The following ATP7B variants were observed in gnomAD, a reference collection of about 807,000 sequenced individuals.
The protein encoded by ATP7B is ATPase copper transporting beta.
Under a neutral mutation model 118.9 loss-of-function variants are expected in ATP7B, and 113 were observed. The ratio of observed to expected loss-of-function variants is 0.95; its 90% CI spans 0.82 to 1.11. The LOEUF is 1.11. Among genes scored for constraint, ATP7B ranks in the 50% most tolerant of loss-of-function variants. The pLI, the probability that ATP7B is intolerant of heterozygous loss-of-function variation, is 0.00. For synonymous variants in ATP7B, 777 were observed against 727.4 expected (o/e 1.07, Z -1.10); for missense variants, 1,867 against 1,871.4 (o/e 1.00, Z 0.04).
chr13:51,985,148 T>C (rs1479145754), intron 1 of ATP7B, among the ~76,000 whole-genome samples: 2 of 152,074 alleles, frequency 1.3e-5, no homozygotes, highest in Non-Finnish European at 2.9e-5. Flanking sequence ...TCAAGACTCA[T>C]TGATGTGCTG....
chr13:51,937,261 G>GTC lies in ATP7B; in HGVS notation c.4021+14_4021+15insGA, dbSNP rs1957023982. Reference sequence around the variant, plus strand: ...TCTGGGCGCAGCTGGAGCACAGTGGGTAAGAGCTGCCTACCTGCTGCAATG... The same window carrying GTC: ...TCTGGGCGCAGCTGGAGCACAGTGGGTCTAAGAGCTGCCTACCTGCTGCAATG... On this transcript the variant is annotated intron_variant, in intron 19 of 20. Transcript: ENST00000242839. The GTC allele has an allele frequency of 1.2e-6, 2 of 1,610,272 alleles. No homozygotes were observed. The highest frequency in any genetic ancestry group is 1.7e-6 in the Non-Finnish European group (2 of 1,176,498).
rs60986317 is a variant in ATP7B, at chr13:51,934,853, G to A, written c.4301C>T (p.Thr1434Met). The A allele has an allele frequency of 1.3e-3, 2,156 of 1,614,208 alleles. 5 individuals are homozygous for A. Among genetic ancestry groups the A allele is most frequent in the Middle Eastern group, 6.1e-3 (37 of 6,050 alleles). Residue 1434 changes from threonine to methionine, a missense_variant, in exon 21 of 21, where the codon ACG (threonine) becomes ATG (methionine). Physicochemically the swap from Thr to Met is moderately conservative, Grantham distance 81. Coordinates refer to ENST00000242839, the MANE Select transcript of ATP7B (RefSeq NM_000053.4). ...GCTGTGCCGAGATGGCTTGTCGGAC[G>A]TCAGGGAGGACAGCGACACCTGGCT... ...YVSQVSLSSL[T>M]SDKPSRHSAA...
chr13:51,945,995 C>T (rs182222403), intron 13 of ATP7B, among the ~76,000 whole-genome samples: 48 of 152,254 alleles, frequency 3.2e-4, no homozygotes, highest in Admixed American at 1.8e-3. Flanking sequence ...GGTCAAGTTA[C>T]CTAATCTCCT....
At chr13:51,936,386 C>T (rs1956962252) in intron 19 of ATP7B, among the ~76,000 whole-genome samples, 2 of 151,120 alleles carry the variant, frequency 1.3e-5, no homozygotes, top group South Asian at 2.1e-4. Flanking sequence ...CTTGATCTCT[C>T]CTCAGCCCAT....
intron 1 of ATP7B, among the ~76,000 whole-genome samples, chr13:52,000,385 T>A (rs1414587312): frequency 6.6e-6 from 1 of 152,154 alleles, no homozygotes; most frequent in Non-Finnish European, 1.5e-5. Context: ...ACTAATCCCA[T>A]TCGAGAAGGC....
intron 1 of ATP7B, among the ~76,000 whole-genome samples, chr13:51,988,471 G>A (rs1206421367): frequency 1.3e-5 from 2 of 152,162 alleles, no homozygotes; most frequent in African/African-American, 2.4e-5. Context: ...GTGTAAATTA[G>A]TTCAACCATT....
intron 17 of ATP7B, 94 bp downstream of exon 17, chr13:51,938,957 G>C: frequency 6.3e-7 from 1 of 1,581,176 alleles, no homozygotes; most frequent in Admixed American, 1.7e-5. Flanking sequence ...AGAAAGAGCA[G>C]GAGTACAGCT....
intron 1 of ATP7B, among the ~76,000 whole-genome samples, chr13:51,986,782 G>T (rs569579905): frequency 6.6e-6 from 1 of 152,118 alleles, no homozygotes; most frequent in Non-Finnish European, 1.5e-5. Context: ...ATCAATAAAC[G>T]AAATCCATCA....
At chr13:51,964,516 C>A (rs1339840257) in intron 5 of ATP7B, among the ~76,000 whole-genome samples, 1 of 152,164 alleles carries the variant, frequency 6.6e-6, no homozygotes, top group Admixed American at 6.5e-5. Context: ...TTCCTTTGCT[C>A]TACAGATACT....
At chr13:51,971,919 T>C (rs912098310) in intron 2 of ATP7B, among the ~76,000 whole-genome samples, 2 of 152,240 alleles carry the variant, frequency 1.3e-5, no homozygotes, top group Non-Finnish European at 2.9e-5. Context: ...CCCACGCCAC[T>C]GAAAGCAGCT....
chr13:51,974,314 G>T lies in ATP7B; in HGVS notation c.906C>A (p.Asp302Glu). Reference sequence around the variant, plus strand: ...GAGCCACTGGGCTGGTACAAGAAGGGTCATACTTTACTTGGGCAGTTTTGT... The same window carrying T: ...GAGCCACTGGGCTGGTACAAGAAGGTTCATACTTTACTTGGGCAGTTTTGT... ...LENKTAQVKYDPSCTSPVALQ... is the reference protein window; with the variant it reads ...LENKTAQVKYEPSCTSPVALQ... Residue 302 changes from aspartate (D) to glutamate (E), a missense_variant, in exon 2 of 21, where the codon GAC becomes GAA. Physicochemically the swap from Asp to Glu is conservative, Grantham distance 45. Coordinates refer to ENST00000242839, the MANE Select transcript of ATP7B (RefSeq NM_000053.4). 6.2e-7 allele frequency: 1 copy of T among 1,614,110 alleles called. No homozygotes were observed. Among genetic ancestry groups the T allele is most frequent in the Admixed American group, 1.7e-5 (1 of 60,014 alleles).
intron 1 of ATP7B, among the ~76,000 whole-genome samples, chr13:52,010,315 T>A (rs1953962184): frequency 1.3e-5 from 2 of 152,206 alleles, no homozygotes; most frequent in Non-Finnish European, 2.9e-5. Flanking sequence ...GTCAGTGAAT[T>A]AGTTTCAGAA....
intron 9 of ATP7B, 88 bp from the exon 10 acceptor site, chr13:51,950,487 T>C: frequency 1.3e-6 from 2 of 1,566,782 alleles, no homozygotes; most frequent in Non-Finnish European, 8.7e-7. Flanking sequence ...AGTTACACTG[T>C]ATTTGCTTAT....
intron 1 of ATP7B, among the ~76,000 whole-genome samples, chr13:52,006,675 CAG>C (rs1476117617): frequency 6.6e-6 from 1 of 152,226 alleles, no homozygotes; most frequent in Non-Finnish European, 1.5e-5. Context: ...GCCTGATAAA[CAG>C]GGTCTTCCAC....
chr13:51,954,721 GA>G lies in ATP7B; in HGVS notation c.2447+2794del, dbSNP rs34519960. Among the ~76,000 whole-genome samples the G allele has an allele frequency of 4.5e-3, 692 of 152,242 alleles. 6 individuals are homozygous for G. The highest frequency in any genetic ancestry group is 0.015 in the African/African-American group (622 of 41,542). On this transcript the variant is annotated intron_variant, in intron 9 of 20. Transcript: ENST00000242839. ...ACCAAGGAAGGGGAATATTTTTGGGGAAAAAGTGGGGGAAGGTGAAGAAGAA... is the reference window on the plus strand; with the variant it reads ...ACCAAGGAAGGGGAATATTTTTGGGGAAAAGTGGGGGAAGGTGAAGAAGAA...
intron 1 of ATP7B, among the ~76,000 whole-genome samples, chr13:51,999,508 A>G (rs1341482573): frequency 6.6e-6 from 1 of 152,234 alleles, no homozygotes; most frequent in African/African-American, 2.4e-5. Context: ...CGATTATGAT[A>G]GTTCTAAATT....
chr13:51,941,968 T>C (rs553454179), intron 15 of ATP7B, among the ~76,000 whole-genome samples: 1 of 152,344 alleles, frequency 6.6e-6, no homozygotes, highest in Admixed American at 6.5e-5. Context: ...CTCCAAGCAG[T>C]GTCCCTTCCT....
chr13:51,957,453 C>A lies in ATP7B; in HGVS notation c.2447+63G>T, dbSNP rs140991378. 459 of 1,508,894 alleles carry A rather than the reference C, an allele frequency of 3.0e-4. No homozygotes were observed. The African/African-American group carries it at 5.7e-3, about 19-fold the overall frequency. 93.5% of individuals were successfully genotyped at this position (1,508,894 alleles called of 1,614,324 possible). A position where few individuals can be genotyped will look rare whatever the true frequency, so the allele number is the denominator to read the frequency against. ...TGCAATGTCAATACAACATGGGCAT[C>A]TGATGCAGCTCACACAGATTGATAG... On this transcript the variant is annotated intron_variant, in intron 9 of 20. Coordinates refer to ENST00000242839, the MANE Select transcript of ATP7B (RefSeq NM_000053.4).
intron 1 of ATP7B, among the ~76,000 whole-genome samples, chr13:51,987,602 C>T (rs1240028676): frequency 6.6e-6 from 1 of 152,138 alleles, no homozygotes; most frequent in East Asian, 1.9e-4. Flanking sequence ...CCCAGATAGC[C>T]AAGACAATCC....
Sources: allele counts gnomAD v4.1 joint callset (sites outside exome capture counted in the v4.1 genomes callset), GRCh38; gene constraint gnomAD v4.1.1; transcripts MANE v1.5; gene names NCBI Gene and HGNC (gene_info 2026-07-23, HGNC 2026-07-21).